PRIMA1: variants seen among roughly 807,000 people sequenced by gnomAD.
PRIMA1 encodes the protein proline-rich membrane anchor 1.
PRIMA1 carries 7 observed loss-of-function variants against 17.5 expected under a neutral mutation model. The ratio of observed to expected loss-of-function variants is 0.40; its 90% CI spans 0.23 to 0.75. The LOEUF (loss-of-function observed/expected upper bound fraction) is 0.75. Ranked by LOEUF, PRIMA1 falls within the 30% of genes least tolerant of loss-of-function variation. The pLI is 0.37. For missense variants in PRIMA1, 200 were observed against 201.8 expected, an observed-to-expected ratio of 0.99 and a Z score of 0.05; for synonymous variants, 97 against 77.9, an observed-to-expected ratio of 1.25 and a Z score of -1.29.
chr14:93,762,929 T>C (rs947125708), intron 3 of PRIMA1, among the ~76,000 whole-genome samples: 2 of 152,142 alleles, frequency 1.3e-5, no homozygotes, highest in African/African-American at 4.8e-5. Context: ...TCTCCCCAGG[T>C]GCCAGCCTGC....
chr14:93,747,922 GGA>G (rs1491310398), intron 3 of PRIMA1, among the ~76,000 whole-genome samples: 1 of 34,020 alleles, frequency 2.9e-5, no homozygotes, highest in African/African-American at 1.4e-4. Context: ...GGGACTGTGT[GGA>G]GTGTGATTAT....
chr14:93,754,443 G>C (rs912464117), intron 3 of PRIMA1, among the ~76,000 whole-genome samples: 1 of 150,686 alleles, frequency 6.6e-6, no homozygotes, highest in African/African-American at 2.4e-5. Context: ...TGGTGGGGGG[G>C]GCCTTGACCT....
At position 93,721,540 on chromosome 14, in the gene PRIMA1, T is replaced by C. The variant is rs566982848; in HGVS notation, c.366A>G (p.Pro122=). ...TGGTGCCATTTTCGTCTTTTCTCAG[T>C]GGTTTCCTGGAAGTGGGGGGAGGGG... is the stretch of plus-strand genomic sequence containing the variant. ...IICYKAIKRK[P]LRKDENGTSV... is the part of the protein sequence containing the mutation. The change falls in exon 5 of 5, where the codon CCA becomes CCG. Residue 122 remains proline (P), a synonymous_variant. Transcript: ENST00000393140. The C allele has an allele frequency of 1.2e-6, 2 of 1,610,460 alleles. No homozygotes were observed. The highest frequency in any genetic ancestry group is 2.7e-5 in the African/African-American group (2 of 74,520).
chr14:93,761,825 C>T (rs1884735675), intron 3 of PRIMA1, among the ~76,000 whole-genome samples: 4 of 152,218 alleles, frequency 2.6e-5, no homozygotes, highest in Admixed American at 2.6e-4. Context: ...CCGCTGGACA[C>T]CCAGATTCCA....
chr14:93,738,044 C>T (rs554904852), intron 3 of PRIMA1, among the ~76,000 whole-genome samples: 19 of 152,282 alleles, frequency 1.2e-4, no homozygotes, highest in African/African-American at 3.4e-4. Context: ...TCTTGCAAGA[C>T]GCAGACTTTC....
rs545892315 is a variant in PRIMA1 at position 93,723,311 on chromosome 14, T to C, written c.360-1765A>G. 1.2e-3 allele frequency among the ~76,000 whole-genome samples: 186 copies of C among 151,916 alleles called. 1 individual carries two copies. Among genetic ancestry groups the C allele is most frequent in the African/African-American group, 4.1e-3 (169 of 41,396 alleles). ...ATGGTCATTATCATAGGCCCAGGAGTTGATTGCTTCTGCCTTTTCAAATGT... is the reference window on the plus strand; with the variant it reads ...ATGGTCATTATCATAGGCCCAGGAGCTGATTGCTTCTGCCTTTTCAAATGT... On this transcript the variant is annotated intron_variant, in intron 4 of 4. Coordinates refer to ENST00000393140, the MANE Select transcript of PRIMA1 (RefSeq NM_178013.4).
intron 3 of PRIMA1, among the ~76,000 whole-genome samples, chr14:93,756,092 A>T (rs567483003): frequency 6.6e-6 from 1 of 152,196 alleles, no homozygotes; most frequent in South Asian, 2.1e-4. Flanking sequence ...TTTTTTTTTA[A>T]GTCTGGGTCT....
intron 3 of PRIMA1, among the ~76,000 whole-genome samples, chr14:93,770,848 C>T (rs1444820567): frequency 6.6e-6 from 1 of 152,142 alleles, no homozygotes; most frequent in Non-Finnish European, 1.5e-5. Flanking sequence ...TCAAAAATAT[C>T]TGTAAGGTAA....
intron 3 of PRIMA1, among the ~76,000 whole-genome samples, chr14:93,749,404 T>C (rs774905432): frequency 2.0e-5 from 3 of 152,184 alleles, no homozygotes; most frequent in Non-Finnish European, 4.4e-5. Context: ...ATGCTAGCAC[T>C]GGGGACAGGA....
chr14:93,752,678 C>T (rs956077108), intron 3 of PRIMA1, among the ~76,000 whole-genome samples: 4 of 152,110 alleles, frequency 2.6e-5, no homozygotes, highest in East Asian at 1.9e-4. Flanking sequence ...TAGGGCACAC[C>T]GAGACTTGGG....
At chr14:93,737,177 G>A in intron 4 of PRIMA1, 64 bp downstream of exon 4, 3 of 1,564,454 alleles carry the variant, frequency 1.9e-6, no homozygotes, top group Non-Finnish European at 2.6e-6. Context: ...GATGTGTGTA[G>A]GAGCCCCAAG....
chr14:93,751,483 C>T (rs1207582067), intron 3 of PRIMA1, among the ~76,000 whole-genome samples: 1 of 152,230 alleles, frequency 6.6e-6, no homozygotes, highest in Non-Finnish European at 1.5e-5. Context: ...GAACCCCAGA[C>T]ATGAGGTTAC....
chr14:93,767,939 G>A (rs996991693), intron 3 of PRIMA1, among the ~76,000 whole-genome samples: 1 of 152,166 alleles, frequency 6.6e-6, no homozygotes, highest in Non-Finnish European at 1.5e-5. Flanking sequence ...GGGGATGGTA[G>A]GTATGGGTTT....
intron 3 of PRIMA1, among the ~76,000 whole-genome samples, chr14:93,778,502 G>A (rs1037763752): frequency 1.3e-5 from 2 of 152,154 alleles, no homozygotes; most frequent in African/African-American, 2.4e-5. Flanking sequence ...ACATGATCAC[G>A]GGCATCCTAT....
chr14:93,784,985 G>T (rs898401571), intron 2 of PRIMA1, among the ~76,000 whole-genome samples: 1 of 152,010 alleles, frequency 6.6e-6, no homozygotes, highest in African/African-American at 2.4e-5. Flanking sequence ...CATCACTTGG[G>T]TCTGGGGTGG....
At chr14:93,748,041 T>TGAGA (rs1555415672) in intron 3 of PRIMA1, among the ~76,000 whole-genome samples, 1 of 150,148 alleles carries the variant, frequency 6.7e-6, no homozygotes, top group African/African-American at 2.5e-5. Flanking sequence ...TGTGTGGGAG[T>TGAGA]GTGTGAGTGT....
chr14:93,749,955 C>T lies in PRIMA1; in HGVS notation c.230-12585G>A, dbSNP rs1411416816. ...CAGCATTTTGGGAGGCCTAGGCGGG[C>T]AGATCACCCAAGGTCAGGAGTTCGA... On this transcript the variant is annotated intron_variant, in intron 3 of 4. Coordinates refer to ENST00000393140, the MANE Select transcript of PRIMA1 (RefSeq NM_178013.4). 2.0e-5 allele frequency among the ~76,000 whole-genome samples: 3 copies of T among 152,180 alleles called. No homozygotes were observed. The East Asian group carries it at 5.8e-4, about 29-fold the overall frequency.
intron 2 of PRIMA1, among the ~76,000 whole-genome samples, chr14:93,781,106 C>T (rs569383062): frequency 3.7e-4 from 56 of 152,208 alleles, no homozygotes; most frequent in East Asian, 3.9e-4. Flanking sequence ...TTTACAGCCC[C>T]GGCTTAATAT....
At chr14:93,766,322 C>T (rs1884892166) in intron 3 of PRIMA1, among the ~76,000 whole-genome samples, 1 of 152,190 alleles carries the variant, frequency 6.6e-6, no homozygotes, top group African/African-American at 2.4e-5. Context: ...CTGGGTCCCA[C>T]AGCCTTCCCT....
Sources: allele counts gnomAD v4.1 joint callset (sites outside exome capture counted in the v4.1 genomes callset), GRCh38; gene constraint gnomAD v4.1.1; transcripts MANE v1.5; gene names NCBI Gene and HGNC (gene_info 2026-07-23, HGNC 2026-07-21).